SLC43A1: variants seen among roughly 807,000 people sequenced by gnomAD.
SLC43A1 encodes the protein solute carrier family 43 member 1.
A neutral mutation model predicts 59.5 loss-of-function variants in SLC43A1; 31 were observed. The observed-to-expected ratio is 0.52, with a 90% CI of 0.39 to 0.70. SLC43A1 has a LOEUF of 0.70. Ranked by LOEUF, SLC43A1 falls within the 30% of genes least tolerant of loss-of-function variation. SLC43A1 has a pLI of 0.00. For missense variants in SLC43A1, 598 were observed against 717.8 expected, an observed-to-expected ratio of 0.83 and a Z score of 1.91; for synonymous variants, 259 against 290.9, an observed-to-expected ratio of 0.89 and a Z score of 1.12.
chr11:57,487,030 C>G, intron 14 of SLC43A1, 65 bp downstream of exon 14: 1 of 1,566,532 alleles, frequency 6.4e-7, no homozygotes, highest in Non-Finnish European at 8.8e-7. Context: ...GCACCACATA[C>G]AAGGCCCTAC....
intron 11 of SLC43A1, among the ~76,000 whole-genome samples, chr11:57,490,432 G>A (rs1455620996): frequency 2.0e-5 from 3 of 152,074 alleles, no homozygotes. Flanking sequence ...GGGTTGCTCT[G>A]TGCCTATAAT....
intron 12 of SLC43A1, 86 bp downstream of exon 12, chr11:57,489,165 C>T (rs928596427): frequency 7.9e-6 from 12 of 1,523,878 alleles, no homozygotes; most frequent in African/African-American, 2.7e-5. Flanking sequence ...ACCAGAACTG[C>T]GCTTCCTGGA....
chr11:57,503,306 T>G (rs897440415), intron 2 of SLC43A1, among the ~76,000 whole-genome samples: 1 of 149,484 alleles, frequency 6.7e-6, no homozygotes, highest in Non-Finnish European at 1.5e-5. Context: ...GGTTTTTTTT[T>G]TTTTTTTTTT....
Position 57,510,083 on chromosome 11 carries a change from C to T in SLC43A1, c.154+3875G>A, listed in dbSNP as rs184407553. Among the ~76,000 whole-genome samples the T allele has an allele frequency of 4.6e-4, 70 of 152,166 alleles. 1 individual carries two copies. In the East Asian group the frequency reaches 5.6e-3, roughly 12 times the overall value. Reference sequence around the variant, plus strand: ...AAGCCAATAAGCACAGGAAAAGATGCTCAACATCATTGATCAGTAGGGAAA... The same window carrying T: ...AAGCCAATAAGCACAGGAAAAGATGTTCAACATCATTGATCAGTAGGGAAA... On this transcript the variant is annotated intron_variant, in intron 2 of 14. Coordinates refer to ENST00000278426, the MANE Select transcript of SLC43A1 (RefSeq NM_003627.6).
intron 10 of SLC43A1, 52 bp from the exon 11 acceptor site, chr11:57,491,414 CTA>C (rs1943897917): frequency 3.8e-6 from 6 of 1,566,640 alleles, no homozygotes; most frequent in Non-Finnish European, 5.2e-6. Flanking sequence ...TCAGTGGACA[CTA>C]TCACCCCTTC....
intron 2 of SLC43A1, among the ~76,000 whole-genome samples, chr11:57,503,575 G>A (rs1944321554): frequency 6.6e-6 from 1 of 151,986 alleles, no homozygotes; most frequent in Non-Finnish European, 1.5e-5. Flanking sequence ...TGCCTGCCTG[G>A]GCCTCCCAAA....
At chr11:57,488,630 T>C (rs1590745032) in intron 13 of SLC43A1, among the ~76,000 whole-genome samples, 1 of 152,262 alleles carries the variant, frequency 6.6e-6, no homozygotes, top group East Asian at 1.9e-4. Flanking sequence ...GGAAATTTCT[T>C]CAGGGTGGGC....
At chr11:57,488,821 C>T in intron 13 of SLC43A1, 95 bp downstream of exon 13, 1 of 1,002,174 alleles carries the variant, frequency 1.0e-6, no homozygotes, top group South Asian at 1.3e-5. Flanking sequence ...GAGAGAGGTG[C>T]ATTAGGGGAT....
In SLC43A1 at chr11:57,491,264, C is replaced by T. The variant is rs747815982; in HGVS notation, c.1153G>A (p.Val385Met). 45 of 1,608,540 alleles carry T rather than the reference C, an allele frequency of 2.8e-5. No individual in the cohort carries two copies. Among genetic ancestry groups the T allele is most frequent in the Admixed American group, 6.7e-5 (4 of 59,444 alleles). The change falls in exon 11 of 15, where the codon GTG becomes ATG. Residue 385 changes from valine to methionine, a missense_variant. Transcript: ENST00000278426. The stretch of plus-strand genomic sequence containing the variant: ...ACAGTGCCCTGAGTTGGGGCGTCCA[C>T]GCAGTCCTTGATCCGCCAGTCCATG... Reference protein sequence around the residue: ...YIMDWRIKDCVDAPTQGTVLG... With the variant: ...YIMDWRIKDCMDAPTQGTVLG...
intron 8 of SLC43A1, among the ~76,000 whole-genome samples, chr11:57,492,538 A>G (rs1286573086): frequency 0.017 from 53 of 3,100 alleles, no homozygotes; most frequent in South Asian, 0.12. Context: ...AATTTTGTGT[A>G]TATATATATA....
chr11:57,513,831 T>A (rs1944612050), intron 2 of SLC43A1, 127 bp downstream of exon 2: 1 of 736,444 alleles, frequency 1.4e-6, no homozygotes, highest in African/African-American at 1.7e-5. Context: ...TTTGAAGAGG[T>A]CGAGAAGTGA....
At chr11:57,495,916 T>C in intron 7 of SLC43A1, 115 bp downstream of exon 7, 2 of 1,217,060 alleles carry the variant, frequency 1.6e-6, no homozygotes, top group South Asian at 3.1e-5. Flanking sequence ...CTCAAGCGAT[T>C]TGCCAAGCAG....
At chr11:57,502,428 C>T (rs539080906) in intron 2 of SLC43A1, among the ~76,000 whole-genome samples, 5 of 152,346 alleles carry the variant, frequency 3.3e-5, no homozygotes, top group African/African-American at 1.2e-4. Flanking sequence ...TGCACAGTGC[C>T]TGGCCCAGAG....
intron 8 of SLC43A1, among the ~76,000 whole-genome samples, chr11:57,493,728 C>T (rs1448498012): frequency 6.6e-6 from 1 of 152,180 alleles, no homozygotes; most frequent in Non-Finnish European, 1.5e-5. Flanking sequence ...AGCTACCCGA[C>T]AGGCCCAGAG....
chr11:57,505,943 A>T (rs1238716378), intron 2 of SLC43A1, among the ~76,000 whole-genome samples: 3 of 152,228 alleles, frequency 2.0e-5, no homozygotes, highest in Non-Finnish European at 4.4e-5. Context: ...ATACACACAC[A>T]GCGAACACTC....
At position 57,511,439 on chromosome 11, in the gene SLC43A1, A is replaced by T. The variant is rs568702862; in HGVS notation, c.154+2519T>A. ...TGAGAGACCCTGTCTCAAAAAAATT[A>T]AAAAAAAAAAGTCCAGAAGAACATT... On this transcript the variant is annotated intron_variant, in intron 2 of 14. Coordinates refer to ENST00000278426, the MANE Select transcript of SLC43A1 (RefSeq NM_003627.6). Among the ~76,000 whole-genome samples the T allele has an allele frequency of 2.5e-3, 361 of 146,650 alleles. 1 individual carries two copies. The highest frequency in any genetic ancestry group is 0.022 in the South Asian group (100 of 4,590).
chr11:57,486,416 A>G (rs1456675131), intron 14 of SLC43A1, among the ~76,000 whole-genome samples: 1 of 151,774 alleles, frequency 6.6e-6, no homozygotes, highest in Non-Finnish European at 1.5e-5. Flanking sequence ...GGATCGCTTG[A>G]GCCCAGGAAT....
chr11:57,512,867 G>T (rs1435516523), intron 2 of SLC43A1, among the ~76,000 whole-genome samples: 1 of 152,028 alleles, frequency 6.6e-6, no homozygotes, highest in Admixed American at 6.6e-5. Flanking sequence ...GGCTGGATGC[G>T]GCAGATCCTG....
rs139014559 is a variant in SLC43A1 at position 57,494,030 on chromosome 11, G to A, written c.834C>T (p.Pro278=). 1 of 1,606,654 alleles carries A rather than the reference G, an allele frequency of 6.2e-7. No individual in the cohort carries two copies. Among genetic ancestry groups the A allele is most frequent in the South Asian group, 1.1e-5 (1 of 89,870 alleles). ...LEDGSDAFMS[P]QDVRGTSENL... ...TTTCTGAGGTGCCCCGAACATCCTG[G>A]GGTGACATGAAGGCATCCGAACCGT... The change falls in exon 8 of 15, where the codon CCC becomes CCT. Residue 278 remains proline (P), a synonymous_variant. Coordinates refer to ENST00000278426, the MANE Select transcript of SLC43A1 (RefSeq NM_003627.6).
Sources: allele counts gnomAD v4.1 joint callset (sites outside exome capture counted in the v4.1 genomes callset), GRCh38; gene constraint gnomAD v4.1.1; transcripts MANE v1.5; gene names NCBI Gene and HGNC (gene_info 2026-07-23, HGNC 2026-07-21).